Variants in BBS9 observed in about 807,000 individuals in gnomAD.
BBS9 encodes Bardet-Biedl syndrome 9, also known as protein PTHB1.
A neutral mutation model predicts 117.7 loss-of-function variants in BBS9; 89 were observed. That is an observed-to-expected ratio of 0.76 (90% CI 0.64 to 0.90). The LOEUF (loss-of-function observed/expected upper bound fraction) is 0.90. Ranked by LOEUF, BBS9 falls within the 40% of genes least tolerant of loss-of-function variation. The pLI, the probability that BBS9 is intolerant of heterozygous loss-of-function variation, is 0.00. For missense variants in BBS9, 982 were observed against 1,042.2 expected (o/e 0.94, Z 0.80); for synonymous variants, 379 against 370.9 (o/e 1.02, Z -0.25).
At chr7:33,502,010 A>G (rs1444348189) in intron 19 of BBS9, among the ~76,000 whole-genome samples, 3 of 152,030 alleles carry the variant, frequency 2.0e-5, no homozygotes, top group African/African-American at 7.3e-5. Context: ...TCCCTGGTTC[A>G]AGTGATTCTC....
intron 19 of BBS9, among the ~76,000 whole-genome samples, chr7:33,451,612 T>C (rs1837884360): frequency 6.6e-6 from 1 of 152,184 alleles, no homozygotes; most frequent in Admixed American, 6.5e-5. Context: ...GTGATGGGTT[T>C]TGAAATCAGT....
intron 19 of BBS9, among the ~76,000 whole-genome samples, chr7:33,473,879 A>AT (rs1028890784): frequency 6.6e-6 from 1 of 151,980 alleles, no homozygotes; most frequent in African/African-American, 2.4e-5. Flanking sequence ...TATCTTATTT[A>AT]TTTTTTTGTC....
intron 19 of BBS9, among the ~76,000 whole-genome samples, chr7:33,410,730 G>T (rs1205019976): frequency 6.6e-6 from 1 of 152,036 alleles, no homozygotes; most frequent in Non-Finnish European, 1.5e-5. Flanking sequence ...TTATATAAAA[G>T]CCAGTTTGTC....
intron 6 of BBS9, among the ~76,000 whole-genome samples, chr7:33,260,835 T>C (rs572710827): frequency 4.2e-4 from 64 of 152,188 alleles, no homozygotes; most frequent in Non-Finnish European, 8.7e-4. Flanking sequence ...AGAGTATACC[T>C]GCCATGGGTG....
At chr7:33,254,950 ATGTCT>A (rs772607600) in intron 5 of BBS9, among the ~76,000 whole-genome samples, 6 of 152,158 alleles carry the variant, frequency 3.9e-5, no homozygotes, top group Non-Finnish European at 8.8e-5. Context: ...GGCGATTTGT[ATGTCT>A]TATTTGGAAA....
intron 19 of BBS9, among the ~76,000 whole-genome samples, chr7:33,391,002 G>A (rs566447155): frequency 1.3e-5 from 2 of 152,290 alleles, no homozygotes; most frequent in South Asian, 4.2e-4. Context: ...GATATGGACA[G>A]TCTGTAGTAT....
intron 21 of BBS9, among the ~76,000 whole-genome samples, chr7:33,579,008 C>G (rs545061581): frequency 6.6e-6 from 1 of 152,330 alleles, no homozygotes; most frequent in Admixed American, 6.5e-5. Flanking sequence ...TAGGCTGCTG[C>G]CTTTTGCAGG....
chr7:33,470,945 A>G (rs1286564154), intron 19 of BBS9, among the ~76,000 whole-genome samples: 1 of 152,160 alleles, frequency 6.6e-6, no homozygotes, highest in Non-Finnish European at 1.5e-5. Context: ...GATACTGCTG[A>G]TACATAGTAG....
At chr7:33,307,875 C>T (rs1425569750) in intron 9 of BBS9, among the ~76,000 whole-genome samples, 2 of 151,374 alleles carry the variant, frequency 1.3e-5, no homozygotes, top group Admixed American at 6.6e-5. Context: ...ATTAATTCCT[C>T]GGCTGTAGGA....
intron 18 of BBS9, among the ~76,000 whole-genome samples, chr7:33,384,715 T>TGTGTGTGAGAGA (rs370625971): frequency 2.1e-5 from 3 of 144,718 alleles, no homozygotes; most frequent in Non-Finnish European, 3.0e-5. Context: ...TGTGTGTGTG[T>TGTGTGTGAGAGA]GAGAGAGAGA....
intron 21 of BBS9, among the ~76,000 whole-genome samples, chr7:33,597,112 C>CACACAG (rs1034410716): frequency 6.1e-4 from 85 of 139,930 alleles, no homozygotes; most frequent in African/African-American, 2.3e-3. Context: ...CACACACACA[C>CACACAG]AGTAAAATTT....
chr7:33,292,803 C>T (rs193133384), intron 9 of BBS9, among the ~76,000 whole-genome samples: 436 of 152,132 alleles, frequency 2.9e-3, no homozygotes, highest in Non-Finnish European at 4.6e-3. Flanking sequence ...ATCAGGACTT[C>T]GAGACCAGCC....
At chr7:33,479,759 A>T (rs1302849722) in intron 19 of BBS9, among the ~76,000 whole-genome samples, 1 of 152,036 alleles carries the variant, frequency 6.6e-6, no homozygotes, top group Admixed American at 6.6e-5. Context: ...ACACTTTTAA[A>T]TACTAGCCAT....
In BBS9 at chr7:33,313,649, A is replaced by G. The variant is rs371441734; in HGVS notation, c.1017-22792A>G. 1.9e-4 allele frequency among the ~76,000 whole-genome samples: 29 copies of G among 152,240 alleles called. No homozygotes were observed. The South Asian group carries it at 3.9e-3, about 21-fold the overall frequency. ...GTAATTTTTGCAGTTTTCGGTGACAACTTCTTTTTGTGCAGAATTCTTGCT... is the reference window on the plus strand; with the variant it reads ...GTAATTTTTGCAGTTTTCGGTGACAGCTTCTTTTTGTGCAGAATTCTTGCT... On this transcript the variant is annotated intron_variant, in intron 9 of 22. Transcript: ENST00000242067.
chr7:33,528,581 A>T (rs1199945055), intron 20 of BBS9, among the ~76,000 whole-genome samples: 1 of 152,234 alleles, frequency 6.6e-6, no homozygotes, highest in Non-Finnish European at 1.5e-5. Flanking sequence ...TTTAAAAAAA[A>T]GTAGGATTGA....
In BBS9 at chr7:33,428,260, T is replaced by C. The variant is rs77577654; in HGVS notation, c.2115+40116T>C. On this transcript the variant is annotated intron_variant, in intron 19 of 22. Transcript: ENST00000242067. The stretch of plus-strand genomic sequence containing the variant: ...ATAGATTTTAGTCACATTTGTGCAA[T>C]TGATTTTTGACAGGTGTGGTTCTAG... Among the ~76,000 whole-genome samples the C allele has an allele frequency of 4.1e-3, 628 of 152,312 alleles. 7 individuals carry two copies. In the East Asian group the frequency reaches 0.061, roughly 15 times the overall value.
chr7:33,425,644 G>T (rs1833556091), intron 19 of BBS9, among the ~76,000 whole-genome samples: 1 of 152,176 alleles, frequency 6.6e-6, no homozygotes, highest in South Asian at 2.1e-4. Flanking sequence ...TGCGTGTCTG[G>T]TCTTTCCTCC....
chr7:33,394,195 G>A (rs1827563270), intron 19 of BBS9, among the ~76,000 whole-genome samples: 1 of 152,230 alleles, frequency 6.6e-6, no homozygotes, highest in Non-Finnish European at 1.5e-5. Context: ...CACAGTTTCA[G>A]TAATTATGTT....
intron 21 of BBS9, among the ~76,000 whole-genome samples, chr7:33,539,222 C>G (rs1851900288): frequency 6.6e-6 from 1 of 152,190 alleles, no homozygotes; most frequent in South Asian, 2.1e-4. Context: ...TGAAAGAACA[C>G]TTGAGAGACC....
Sources: gnomAD v4.1 joint callset for allele counts (sites outside exome capture counted in the v4.1 genomes callset) on GRCh38, gnomAD v4.1.1 for gene constraint, MANE v1.5 for transcripts, NCBI Gene and HGNC (gene_info 2026-07-23, HGNC 2026-07-21) for gene names.